Variants in AUTS2 observed in about 807,000 individuals in gnomAD.
The protein encoded by AUTS2 is autism susceptibility gene 2 protein.
Under a neutral mutation model 112.4 loss-of-function variants are expected in AUTS2, and 17 were observed. The observed-to-expected ratio is 0.15, with a 90% CI of 0.10 to 0.23. The LOEUF (loss-of-function observed/expected upper bound fraction) is 0.23. AUTS2 is among the 10% of genes least tolerant of loss of function. AUTS2 has a pLI of 1.00. For missense variants in AUTS2, 1,510 were observed against 1,701.6 expected, an observed-to-expected ratio of 0.89 and a Z score of 1.98; for synonymous variants, 751 against 702.7, an observed-to-expected ratio of 1.07 and a Z score of -1.09.
chr7:70,414,323 A>G (rs1483864391), intron 4 of AUTS2, among the ~76,000 whole-genome samples: 1 of 152,212 alleles, frequency 6.6e-6, no homozygotes, highest in Non-Finnish European at 1.5e-5. Context: ...GAGACATTTT[A>G]ATCAAAGCAC....
At chr7:69,927,462 A>G (rs1796065914) in intron 2 of AUTS2, among the ~76,000 whole-genome samples, 1 of 152,102 alleles carries the variant, frequency 6.6e-6, no homozygotes, top group Non-Finnish European at 1.5e-5. Flanking sequence ...TCTTGTATAT[A>G]TCCCCATGTT....
chr7:70,306,415 A>T (rs546910243), intron 4 of AUTS2, among the ~76,000 whole-genome samples: 3 of 152,346 alleles, frequency 2.0e-5, no homozygotes, highest in African/African-American at 7.2e-5. Flanking sequence ...CTGCTCTGTC[A>T]ACTCTTCTTT....
At chr7:69,889,572 T>A (rs190056880) in intron 1 of AUTS2, among the ~76,000 whole-genome samples, 10 of 152,366 alleles carry the variant, frequency 6.6e-5, no homozygotes, top group Admixed American at 3.9e-4. Flanking sequence ...AGATGACTAA[T>A]GAGCACATTT....
intron 4 of AUTS2, among the ~76,000 whole-genome samples, chr7:70,339,110 G>A (rs1230035152): frequency 2.0e-5 from 3 of 151,910 alleles, no homozygotes; most frequent in Non-Finnish European, 4.4e-5. Context: ...TGATCCGCCC[G>A]CCTCAGCCTC....
chr7:70,625,398 G>A (rs1804884804), intron 5 of AUTS2, among the ~76,000 whole-genome samples: 1 of 152,164 alleles, frequency 6.6e-6, no homozygotes, highest in African/African-American at 2.4e-5. Context: ...TTCAACCTTT[G>A]GGATTCACAC....
chr7:70,274,115 C>T (rs1286195516), intron 4 of AUTS2, among the ~76,000 whole-genome samples: 2 of 152,114 alleles, frequency 1.3e-5, no homozygotes, highest in East Asian at 3.9e-4. Context: ...CAGGGTGCTT[C>T]GTGAGTCCCA....
rs372335432 is a variant in AUTS2 at position 70,766,247 on chromosome 7, C to T, written c.1602C>T (p.Thr534=). 32 of 1,613,910 alleles carry T rather than the reference C, an allele frequency of 2.0e-5. No individual in the cohort carries two copies. The highest frequency in any genetic ancestry group is 2.7e-5 in the African/African-American group (2 of 74,890). ...FHQHQHQHQH[T]HQHTHQHTFT... ...AGCACCAGCACCAGCACCAGCACAC[C>T]CACCAGCACACGCACCAGCACACCT... The change falls in exon 9 of 19, where the codon ACC becomes ACT. Residue 534 remains threonine (T), a synonymous_variant. Transcript: ENST00000342771. This position sits in a 1 kb window ranked among gnomAD's most constrained non-coding sequence, Gnocchi z 4.8.
intron 4 of AUTS2, among the ~76,000 whole-genome samples, chr7:70,152,471 C>T (rs950546849): frequency 3.3e-5 from 5 of 150,814 alleles, no homozygotes; most frequent in Non-Finnish European, 7.4e-5. Context: ...GGAGCAACAT[C>T]CTTAAAAGTA....
chr7:70,015,271 C>T (rs1799976224), intron 2 of AUTS2, among the ~76,000 whole-genome samples: 1 of 152,194 alleles, frequency 6.6e-6, no homozygotes, highest in East Asian at 1.9e-4. Context: ...CATTTTGTTC[C>T]TTGCTTAACG....
At chr7:69,770,929 A>G (rs1788637073) in intron 1 of AUTS2, among the ~76,000 whole-genome samples, 1 of 152,240 alleles carries the variant, frequency 6.6e-6, no homozygotes, top group Non-Finnish European at 1.5e-5. Flanking sequence ...CACATAAGGC[A>G]GAACAGGTTG....
intron 1 of AUTS2, among the ~76,000 whole-genome samples, chr7:69,888,546 T>G (rs1302039263): frequency 2.0e-5 from 2 of 101,876 alleles, no homozygotes; most frequent in African/African-American, 6.6e-5. Context: ...TGGGGATATA[T>G]ATATATATAT....
At chr7:70,393,058 G>A (rs539744537) in intron 4 of AUTS2, among the ~76,000 whole-genome samples, 79 of 152,320 alleles carry the variant, frequency 5.2e-4, no homozygotes, top group African/African-American at 1.8e-3. Flanking sequence ...CGACAGGAAG[G>A]GTAGTATTGA....
intron 2 of AUTS2, among the ~76,000 whole-genome samples, chr7:69,965,409 G>A (rs960522885): frequency 6.6e-6 from 1 of 152,118 alleles, no homozygotes; most frequent in Non-Finnish European, 1.5e-5. Flanking sequence ...ATGCAGATTG[G>A]GTGCTTGCTC....
At chr7:69,856,957 C>T (rs1443349180) in intron 1 of AUTS2, among the ~76,000 whole-genome samples, 3 of 152,184 alleles carry the variant, frequency 2.0e-5, no homozygotes, top group Admixed American at 1.3e-4. Context: ...CTAGGAACTA[C>T]TGTTTTTCTT....
chr7:70,088,569 A>G (rs575492626), intron 2 of AUTS2, among the ~76,000 whole-genome samples: 1 of 146,788 alleles, frequency 6.8e-6, no homozygotes, highest in East Asian at 2.0e-4. Flanking sequence ...AGCTGAAGGC[A>G]TTGATCTGAG....
At chr7:69,905,488 G>T (rs1480074264) in intron 2 of AUTS2, among the ~76,000 whole-genome samples, 1 of 152,122 alleles carries the variant, frequency 6.6e-6, no homozygotes, top group African/African-American at 2.4e-5. Context: ...CTGAGACTGG[G>T]GTAGTCCTCA....
chr7:69,908,545 C>T (rs1257835519), intron 2 of AUTS2, among the ~76,000 whole-genome samples: 1 of 152,198 alleles, frequency 6.6e-6, no homozygotes, highest in Non-Finnish European at 1.5e-5. Context: ...CACCTTATGT[C>T]TCTCAGGAGG....
At chr7:70,032,554 T>C (rs916043615) in intron 2 of AUTS2, among the ~76,000 whole-genome samples, 1 of 152,102 alleles carries the variant, frequency 6.6e-6, no homozygotes, top group Non-Finnish European at 1.5e-5. Flanking sequence ...ACAAAAAATA[T>C]GGTATTGAGA....
intron 5 of AUTS2, among the ~76,000 whole-genome samples, chr7:70,554,562 C>T (rs2129520639): frequency 6.6e-6 from 1 of 152,152 alleles, no homozygotes; most frequent in East Asian, 1.9e-4. Flanking sequence ...AACACATAAA[C>T]ATCAATAAAC....
Sources: gnomAD v4.1 joint callset for allele counts (sites outside exome capture counted in the v4.1 genomes callset) on GRCh38, gnomAD v4.1.1 for gene constraint, Gnocchi (gnomAD v3.1) non-coding constraint, MANE v1.5 for transcripts, NCBI Gene and HGNC (gene_info 2026-07-23, HGNC 2026-07-21) for gene names.